The following FBN3 variants were observed in gnomAD, a reference collection of about 807,000 sequenced individuals.
FBN3 encodes the protein fibrillin-3.
In FBN3, 234 loss-of-function variants were observed where a neutral mutation model predicts 330.1. That is an observed-to-expected ratio of 0.71 (90% CI 0.64 to 0.79). FBN3 has a LOEUF of 0.79. FBN3 is among the 30% of genes least tolerant of loss of function. FBN3 has a pLI of 0.00. For missense variants in FBN3, 3,606 were observed against 3,886.9 expected, an observed-to-expected ratio of 0.93 and a Z score of 1.92; for synonymous variants, 1,458 against 1,517.3, an observed-to-expected ratio of 0.96 and a Z score of 0.91.
chr19:8,076,861 A>G (rs1334176028), intron 59 of FBN3, among the ~76,000 whole-genome samples: 3 of 152,030 alleles, frequency 2.0e-5, no homozygotes, highest in Non-Finnish European at 4.4e-5. Context: ...TCCTGGGCTC[A>G]GGTGAGCCTC....
At position 8,108,174 on chromosome 19, in the gene FBN3, C is replaced by A; in HGVS notation, c.4683G>T (p.Leu1561=). Residue 1561 remains leucine, a synonymous_variant, in exon 37 of 64, where the codon CTG becomes CTT. Coordinates refer to ENST00000600128, the MANE Select transcript of FBN3 (RefSeq NM_032447.5). ...GATGATCTGCCAGGAACTCACCTTC[C>A]AGAATGACAGTGATGCGGTTAGGCT... is the stretch of plus-strand genomic sequence containing the variant. ...GFQPNRITVI[L]EDIDECQELP... is the part of the protein sequence containing the mutation. 1 of 1,612,256 alleles carries A rather than the reference C, an allele frequency of 6.2e-7. No homozygotes were observed. Among genetic ancestry groups the A allele is most frequent in the African/African-American group, 1.3e-5 (1 of 74,922 alleles).
intron 30 of FBN3, among the ~76,000 whole-genome samples, chr19:8,113,924 G>C (rs2082649806): frequency 6.6e-6 from 1 of 151,864 alleles, no homozygotes; most frequent in Non-Finnish European, 1.5e-5. Flanking sequence ...TGGAGAGGTG[G>C]AGGCTGCAGT....
chr19:8,146,355 T>C (rs2083546654), intron 3 of FBN3, 130 bp from the exon 4 acceptor site: 3 of 741,042 alleles, frequency 4.0e-6, no homozygotes, highest in African/African-American at 1.7e-5. Context: ...GCTCTGCTCA[T>C]AGCACACCCC....
rs1373477153 is a variant in FBN3 at position 8,131,635 on chromosome 19, C to T, written c.1909G>A (p.Val637Ile). 6.2e-7 allele frequency: 1 copy of T among 1,614,106 alleles called. No individual in the cohort carries two copies. The highest frequency in any genetic ancestry group is 8.5e-7 in the Non-Finnish European group (1 of 1,180,048). The change falls in exon 15 of 64, where the codon GTC (valine) becomes ATC (isoleucine). Residue 637 changes from valine to isoleucine, a missense_variant. Val to Ile is a conservative substitution (Grantham distance 29). Transcript: ENST00000600128. This position sits in a 1 kb window ranked among gnomAD's most constrained non-coding sequence, Gnocchi z 4.5. The stretch of plus-strand genomic sequence containing the variant: ...GCACAGCAGCACTCGGACTTGGTGA[C>T]AGTGCCAGGGAAGGGGCGGGCACAG... Reference protein sequence around the residue: ...GSCARPFPGTVTKSECCCANP... With the variant: ...GSCARPFPGTITKSECCCANP...
chr19:8,075,245 C>A, intron 60 of FBN3, 38 bp downstream of exon 60: 1 of 1,590,546 alleles, frequency 6.3e-7, no homozygotes, highest in South Asian at 1.1e-5. Context: ...AGGACCAACA[C>A]CCCCAAACAC....
chr19:8,093,398 C>A (rs2082140510), intron 47 of FBN3, among the ~76,000 whole-genome samples: 1 of 151,960 alleles, frequency 6.6e-6, no homozygotes, highest in Non-Finnish European at 1.5e-5. Context: ...CCAAGGCGGG[C>A]AGATCACGAG....
chr19:8,115,726 A>G, intron 29 of FBN3, 86 bp from the exon 30 acceptor site: 2 of 1,484,802 alleles, frequency 1.3e-6, no homozygotes, highest in Non-Finnish European at 1.9e-6. Context: ...GGAGATCACC[A>G]GCATTCCTGA....
intron 37 of FBN3, among the ~76,000 whole-genome samples, chr19:8,106,856 GTGGA>G (rs1341398708): frequency 2.6e-5 from 4 of 151,556 alleles, no homozygotes; most frequent in Non-Finnish European, 4.4e-5. Context: ...GGATGGATGA[GTGGA>G]TGGATGGATG....
Position 8,136,576 on chromosome 19 carries a change from G to A in FBN3, c.1202-45C>T, listed in dbSNP as rs201408700. The A allele has an allele frequency of 1.6e-3, 2,621 of 1,607,402 alleles. 5 individuals are homozygous for A. The highest frequency in any genetic ancestry group is 1.7e-3 in the Non-Finnish European group (2,006 of 1,175,208). ...AGGCATCTGAGCAGTGGCTGGCCCC[G>A]CCCCAGTCTGGAGCCTGGGCTTCAC... On this transcript the variant is annotated intron_variant, in intron 10 of 63. Coordinates refer to ENST00000600128, the MANE Select transcript of FBN3 (RefSeq NM_032447.5).
intron 23 of FBN3, 96 bp downstream of exon 23, chr19:8,123,688 C>T (rs2082908664): frequency 6.3e-7 from 1 of 1,592,926 alleles, no homozygotes; most frequent in Non-Finnish European, 8.6e-7. Context: ...TACCCACATC[C>T]CCTTTTCCCC....
In FBN3 at chr19:8,135,878, G is replaced by A. The variant is rs978922817; in HGVS notation, c.1591+83C>T. On this transcript the variant is annotated intron_variant, in intron 13 of 63. Coordinates refer to ENST00000600128, the MANE Select transcript of FBN3 (RefSeq NM_032447.5). ...TCGTAGGGAGGGAGGTGGGTTTGGG[G>A]GCACAGTGAAGATTTGAGGTGGCTG... 5 of 1,444,344 alleles carry A rather than the reference G, an allele frequency of 3.5e-6. No individual in the cohort carries two copies. The African/African-American group carries it at 5.7e-5, about 16-fold the overall frequency. 89.5% of individuals were successfully genotyped at this position (1,444,344 alleles called of 1,614,324 possible).
At chr19:8,116,882 G>C (rs1015281391) in intron 28 of FBN3, 83 bp from the exon 29 acceptor site, 8 of 1,512,486 alleles carry the variant, frequency 5.3e-6, no homozygotes, top group Non-Finnish European at 7.2e-6. Flanking sequence ...GCCCCAGGAC[G>C]ACCTGTAGCC....
intron 41 of FBN3, among the ~76,000 whole-genome samples, chr19:8,098,798 G>C (rs1374305159): frequency 6.6e-6 from 1 of 152,062 alleles, no homozygotes; most frequent in Non-Finnish European, 1.5e-5. Flanking sequence ...AACAATATAA[G>C]TGTCCATCCA....
chr19:8,127,700 C>A (rs1456084934), intron 18 of FBN3, among the ~76,000 whole-genome samples: 5 of 152,164 alleles, frequency 3.3e-5, no homozygotes, highest in Admixed American at 2.6e-4. Context: ...AAGGATATCA[C>A]AGGCTGGGCG....
chr19:8,132,552 C>T (rs1014466357), intron 14 of FBN3, among the ~76,000 whole-genome samples: 17 of 151,646 alleles, frequency 1.1e-4, no homozygotes, highest in African/African-American at 3.2e-4. Flanking sequence ...AGTGCAATGG[C>T]GCGATCTCGG....
At chr19:8,135,714 A>C (rs2083262762) in intron 13 of FBN3, among the ~76,000 whole-genome samples, 1 of 152,094 alleles carries the variant, frequency 6.6e-6, no homozygotes, top group Non-Finnish European at 1.5e-5. Flanking sequence ...TAAGGCACCA[A>C]GACTGGCTCC....
At chr19:8,083,634 T>C (rs2081860686) in intron 56 of FBN3, among the ~76,000 whole-genome samples, 1 of 150,888 alleles carries the variant, frequency 6.6e-6, no homozygotes, top group Non-Finnish European at 1.5e-5. Context: ...ACCTCCTCAG[T>C]GCACCAACAT....
In FBN3 at chr19:8,096,232, T is replaced by C; in HGVS notation, c.5540-152A>G. Reference sequence around the variant, plus strand: ...ACCCCTGGCGGTGATGGCTGGGAAGTACTCCTGGTATGATATATCACCCCC... The same window carrying C: ...ACCCCTGGCGGTGATGGCTGGGAAGCACTCCTGGTATGATATATCACCCCC... On this transcript the variant is annotated intron_variant, in intron 44 of 63. Coordinates refer to ENST00000600128, the MANE Select transcript of FBN3 (RefSeq NM_032447.5). The surrounding 1 kb of genome is among the most constrained non-coding windows in gnomAD (Gnocchi z 4.6). The C allele has an allele frequency of 1.2e-6, 1 of 839,504 alleles. No individual in the cohort carries two copies. Among genetic ancestry groups the C allele is most frequent in the Non-Finnish European group, 1.9e-6 (1 of 516,836 alleles). 52.0% of individuals were successfully genotyped at this position (839,504 alleles called of 1,614,324 possible). A position where few individuals can be genotyped will look rare whatever the true frequency, so the allele number is the denominator to read the frequency against.
At chr19:8,089,832 C>T in intron 50 of FBN3, 62 bp downstream of exon 50, 1 of 1,537,016 alleles carries the variant, frequency 6.5e-7, no homozygotes, top group South Asian at 1.2e-5. Flanking sequence ...GAGACCCAGG[C>T]AGTGCGGAGA....
Sources: gnomAD v4.1 joint callset for allele counts (sites outside exome capture counted in the v4.1 genomes callset) on GRCh38, gnomAD v4.1.1 for gene constraint, Gnocchi (gnomAD v3.1) non-coding constraint, MANE v1.5 for transcripts, NCBI Gene and HGNC (gene_info 2026-07-23, HGNC 2026-07-21) for gene names.